MTF2: variants seen among roughly 807,000 people sequenced by gnomAD.
The protein encoded by MTF2 is metal response element binding transcription factor 2.
Under a neutral mutation model 79.5 loss-of-function variants are expected in MTF2, and 11 were observed. The ratio of observed to expected loss-of-function variants is 0.14; its 90% confidence interval spans 0.09 to 0.23. MTF2 has a LOEUF of 0.23. Among genes scored for constraint, MTF2 ranks in the 10% least tolerant of loss-of-function variants. The probability of loss-of-function intolerance (pLI) is 1.00; values close to 1 mark genes in which losing one functional copy is unlikely to be tolerated. For missense variants in MTF2, 486 were observed against 711.2 expected (o/e 0.68, Z 3.60); for synonymous variants, 208 against 232.8 (o/e 0.89, Z 0.97).
intron 14 of MTF2, 87 bp from the exon 15 acceptor site, chr1:93,136,583 A>T: frequency 9.5e-7 from 1 of 1,056,816 alleles, no homozygotes; most frequent in Non-Finnish European, 1.4e-6. Context: ...ATGGTATAGT[A>T]GAGTAATCCA....
chr1:93,105,004 T>C (rs1313929369), intron 1 of MTF2, among the ~76,000 whole-genome samples: 3 of 151,122 alleles, frequency 2.0e-5, no homozygotes, highest in African/African-American at 4.9e-5. Flanking sequence ...GTTAGCCGGG[T>C]GTAGTGGCGG....
At chr1:93,113,767 G>A (rs771792516) in intron 3 of MTF2, among the ~76,000 whole-genome samples, 38 of 152,076 alleles carry the variant, frequency 2.5e-4, no homozygotes, top group Non-Finnish European at 4.7e-4. Flanking sequence ...TAGTTACTTT[G>A]TCTGAGCCTC....
chr1:93,108,381 A>G (rs773035047), intron 1 of MTF2, among the ~76,000 whole-genome samples: 4 of 152,076 alleles, frequency 2.6e-5, no homozygotes, highest in Non-Finnish European at 5.9e-5. Context: ...TAACAAATTC[A>G]GTTTTTGTTT....
chr1:93,113,240 T>C (rs1571237523), intron 3 of MTF2, among the ~76,000 whole-genome samples: 1 of 146,742 alleles, frequency 6.8e-6, no homozygotes, highest in African/African-American at 2.5e-5. Context: ...AAAATAGGCA[T>C]GGTGACACAC....
intron 10 of MTF2, among the ~76,000 whole-genome samples, chr1:93,128,124 TA>T (rs1656774208): frequency 6.6e-6 from 1 of 152,086 alleles, no homozygotes; most frequent in African/African-American, 2.4e-5. Context: ...AAAAAAGTCA[TA>T]AGGTACCTGA....
At chr1:93,113,998 T>C (rs1274484029) in intron 3 of MTF2, among the ~76,000 whole-genome samples, 3 of 148,904 alleles carry the variant, frequency 2.0e-5, no homozygotes, top group African/African-American at 7.8e-5. Context: ...TTAGAAATTT[T>C]GTGTGATTTT....
chr1:93,089,031 T>C (rs2101022011), intron 1 of MTF2, among the ~76,000 whole-genome samples: 1 of 152,326 alleles, frequency 6.6e-6, no homozygotes, highest in Non-Finnish European at 1.5e-5. Flanking sequence ...TATTTAAAAA[T>C]ATTTTCTGTA....
chr1:93,094,867 A>G (rs1344742438), intron 1 of MTF2, among the ~76,000 whole-genome samples: 1 of 152,168 alleles, frequency 6.6e-6, no homozygotes, highest in Non-Finnish European at 1.5e-5. Context: ...GAATATATTT[A>G]TAGAGAAAGT....
chr1:93,098,139 G>T (rs1209828866), intron 1 of MTF2, among the ~76,000 whole-genome samples: 1 of 152,070 alleles, frequency 6.6e-6, no homozygotes, highest in Admixed American at 6.5e-5. Context: ...CTGCAGTTTT[G>T]TTCCTAGAAA....
chr1:93,101,582 T>TTTTTTG (rs1655543260), intron 1 of MTF2, among the ~76,000 whole-genome samples: 2 of 111,350 alleles, frequency 1.8e-5, no homozygotes, highest in African/African-American at 6.2e-5. Context: ...TTTTTTTTTT[T>TTTTTTG]TTTTTTTTTT....
intron 1 of MTF2, among the ~76,000 whole-genome samples, chr1:93,109,962 G>A (rs1655964219): frequency 2.6e-5 from 4 of 152,148 alleles, no homozygotes; most frequent in Admixed American, 2.6e-4. Flanking sequence ...CTGTTATTTT[G>A]ATGGCAGCTG....
At position 93,080,764 on chromosome 1, in the gene MTF2, CTTTTTTT is replaced by C. The variant is rs34251431; in HGVS notation, c.5+1243_5+1249del. ...TGGTTTCATTCTCTCTTGGGAATTC[CTTTTTTT>C]TTTTTTTTTGTCAGTAAATTTCAAA... On this transcript the variant is annotated intron_variant, in intron 1 of 14. Coordinates refer to ENST00000370298, the MANE Select transcript of MTF2 (RefSeq NM_007358.4). Among the ~76,000 whole-genome samples, 26 of 136,740 alleles carry C rather than the reference CTTTTTTT, an allele frequency of 1.9e-4. 1 individual carries two copies. The highest frequency in any genetic ancestry group is 3.7e-4 in the Non-Finnish European group (23 of 62,972). 89.7% of individuals were successfully genotyped at this position (136,740 alleles called of 152,430 possible). A position where few individuals can be genotyped will look rare whatever the true frequency, so the allele number is the denominator to read the frequency against.
chr1:93,135,904 A>G (rs572895117), intron 14 of MTF2, among the ~76,000 whole-genome samples: 1 of 152,244 alleles, frequency 6.6e-6, no homozygotes, highest in Non-Finnish European at 1.5e-5. Context: ...ATTTTAAGTA[A>G]CAAGCCCAAC....
chr1:93,084,824 G>T (rs116677532), intron 1 of MTF2, among the ~76,000 whole-genome samples: 1 of 152,102 alleles, frequency 6.6e-6, no homozygotes, highest in African/African-American at 2.4e-5. Context: ...AACTATGAGA[G>T]CTATGATGTG....
At chr1:93,083,392 G>A (rs960241171) in intron 1 of MTF2, among the ~76,000 whole-genome samples, 5 of 152,206 alleles carry the variant, frequency 3.3e-5, no homozygotes, top group African/African-American at 1.2e-4. Context: ...AGCATTTATA[G>A]TCACTTCATA....
intron 9 of MTF2, chr1:93,121,810 T>G (rs1310868457): frequency 1.6e-6 from 1 of 619,292 alleles, no homozygotes; most frequent in African/African-American, 2.7e-5. Flanking sequence ...TTTTTTTTTT[T>G]TTTTTTTTGG....
At chr1:93,097,242 A>G (rs1283776606) in intron 1 of MTF2, among the ~76,000 whole-genome samples, 1 of 152,156 alleles carries the variant, frequency 6.6e-6, no homozygotes, top group Non-Finnish European at 1.5e-5. Flanking sequence ...TGCTTTATAG[A>G]TCAGTATATG....
intron 14 of MTF2, among the ~76,000 whole-genome samples, chr1:93,135,069 A>G (rs1647330987): frequency 6.6e-6 from 1 of 152,104 alleles, no homozygotes; most frequent in South Asian, 2.1e-4. Flanking sequence ...TCCTGGATTC[A>G]AGCAATTCTG....
intron 7 of MTF2, 82 bp from the exon 8 acceptor site, chr1:93,119,251 C>T (rs1429230023): frequency 2.2e-6 from 2 of 928,684 alleles, no homozygotes; most frequent in South Asian, 1.6e-5. Context: ...GTAGGTTATT[C>T]ACTTGGTGAA....
Sources: gnomAD v4.1 joint callset for allele counts (sites outside exome capture counted in the v4.1 genomes callset) on GRCh38, gnomAD v4.1.1 for gene constraint, MANE v1.5 for transcripts, NCBI Gene and HGNC (gene_info 2026-07-23, HGNC 2026-07-21) for gene names.